ROBO1: variants seen among roughly 807,000 people sequenced by gnomAD.
The protein encoded by ROBO1 is roundabout guidance receptor 1.
A neutral mutation model predicts 195.9 loss-of-function variants in ROBO1; 149 were observed. The observed-to-expected ratio is 0.76, with a 90% confidence interval of 0.67 to 0.87. The LOEUF (loss-of-function observed/expected upper bound fraction) is 0.87, where lower values mean the gene tolerates loss of function less well. ROBO1 is among the 40% of genes least tolerant of loss of function. The pLI is 0.00. For missense variants in ROBO1, 1,933 were observed against 2,068.3 expected, an observed-to-expected ratio of 0.93 and a Z score of 1.27; for synonymous variants, 816 against 733.2, an observed-to-expected ratio of 1.11 and a Z score of -1.82.
At chr3:79,307,296 CT>C (rs898691685) in intron 2 of ROBO1, among the ~76,000 whole-genome samples, 3 of 150,132 alleles carry the variant, frequency 2.0e-5, no homozygotes, top group East Asian at 1.9e-4. Context: ...ACAGGCTTTT[CT>C]TTTTTTTTAA....
chr3:79,584,390 C>G lies in ROBO1; in HGVS notation c.88+5434G>C, dbSNP rs1057237652. Among the ~76,000 whole-genome samples the G allele has an allele frequency of 2.0e-5, 3 of 150,746 alleles. No individual in the cohort carries two copies. The Admixed American group carries it at 2.0e-4, about 10-fold the overall frequency. On this transcript the variant is annotated intron_variant, in intron 2 of 30. Coordinates refer to ENST00000464233, the MANE Select transcript of ROBO1 (RefSeq NM_002941.4). ...CTAAGTAACTGACTTCCATTTCTCA[C>G]CTTTGGGGAGAGTTTTATTTTCTTA...
chr3:78,659,022 A>G (rs964362632), intron 17 of ROBO1, among the ~76,000 whole-genome samples: 17 of 152,306 alleles, frequency 1.1e-4, no homozygotes, highest in African/African-American at 4.1e-4. Flanking sequence ...ACATTCCACA[A>G]TTTAGCTTGA....
chr3:78,770,550 C>G (rs976721469), intron 4 of ROBO1, among the ~76,000 whole-genome samples: 5 of 152,146 alleles, frequency 3.3e-5, no homozygotes. Context: ...ACACAAATTG[C>G]AAATATATTC....
At chr3:78,907,305 A>C (rs1039392769) in intron 4 of ROBO1, among the ~76,000 whole-genome samples, 4 of 152,130 alleles carry the variant, frequency 2.6e-5, no homozygotes, top group Non-Finnish European at 5.9e-5. Context: ...ACAACAACAA[A>C]AAAAACAACC....
At chr3:79,285,391 G>A (rs1576922688) in intron 2 of ROBO1, among the ~76,000 whole-genome samples, 1 of 152,154 alleles carries the variant, frequency 6.6e-6, no homozygotes, top group African/African-American at 2.4e-5. Flanking sequence ...ATAGGTCAAA[G>A]GTTATAAAGT....
chr3:79,176,816 T>C (rs2081268926), intron 2 of ROBO1, among the ~76,000 whole-genome samples: 1 of 152,186 alleles, frequency 6.6e-6, no homozygotes, highest in South Asian at 2.1e-4. Context: ...TGCTACAATA[T>C]ATGTTTTAAG....
intron 3 of ROBO1, among the ~76,000 whole-genome samples, chr3:79,039,409 CAGG>C (rs1407191054): frequency 1.3e-5 from 2 of 152,200 alleles, no homozygotes; most frequent in East Asian, 1.9e-4. Context: ...ATCTGTGGGT[CAGG>C]AGATTAGGGA....
chr3:78,660,092 T>G (rs1707299516), intron 16 of ROBO1: 1 of 210,954 alleles, frequency 4.7e-6, no homozygotes, highest in Non-Finnish European at 9.5e-6. Context: ...CACTAATTTT[T>G]GTATTTTTAA....
rs111673850 is a variant in ROBO1, at chr3:78,991,042, T to G, written c.173-52115A>C. Among the ~76,000 whole-genome samples, 689 of 152,324 alleles carry G rather than the reference T, an allele frequency of 4.5e-3. 9 individuals are homozygous for G. Among genetic ancestry groups the G allele is most frequent in the African/African-American group, 0.016 (645 of 41,572 alleles). On this transcript the variant is annotated intron_variant, in intron 3 of 30. Transcript: ENST00000464233. Reference sequence around the variant, plus strand: ...AGCACTGTATTCCAACCAACCATGTTAATTATTACAGGTAATAACCTACAT... The same window carrying G: ...AGCACTGTATTCCAACCAACCATGTGAATTATTACAGGTAATAACCTACAT...
chr3:78,730,733 A>T (rs2082267499), intron 5 of ROBO1, among the ~76,000 whole-genome samples: 1 of 152,182 alleles, frequency 6.6e-6, no homozygotes, highest in Non-Finnish European at 1.5e-5. Context: ...TAGCTCACTC[A>T]CTTGGCAAAT....
intron 2 of ROBO1, among the ~76,000 whole-genome samples, chr3:79,173,754 CG>C (rs1179943232): frequency 6.6e-6 from 1 of 152,260 alleles, no homozygotes; most frequent in East Asian, 1.9e-4. Context: ...GGCCCCAGTG[CG>C]GGATCCACTG....
intron 1 of ROBO1, among the ~76,000 whole-genome samples, chr3:79,708,529 T>C (rs1702149025): frequency 6.6e-6 from 1 of 152,070 alleles, no homozygotes; most frequent in Non-Finnish European, 1.5e-5. Flanking sequence ...AAATTTTGCC[T>C]CCTCTACATG....
At chr3:79,051,801 C>T (rs372448866) in intron 3 of ROBO1, among the ~76,000 whole-genome samples, 1 of 152,100 alleles carries the variant, frequency 6.6e-6, no homozygotes, top group Non-Finnish European at 1.5e-5. Flanking sequence ...GTCTTTACTG[C>T]AATCTCTGAA....
At chr3:79,606,396 T>A (rs1560032185) in intron 1 of ROBO1, among the ~76,000 whole-genome samples, 3 of 152,108 alleles carry the variant, frequency 2.0e-5, no homozygotes, top group Non-Finnish European at 4.4e-5. Flanking sequence ...TTTGTGTCTG[T>A]CTCCTCATCA....
At chr3:79,391,457 G>T (rs1187900421) in intron 2 of ROBO1, among the ~76,000 whole-genome samples, 1 of 152,090 alleles carries the variant, frequency 6.6e-6, no homozygotes. Context: ...GCCAGGCTCA[G>T]CAGATGGTGA....
intron 1 of ROBO1, among the ~76,000 whole-genome samples, chr3:79,630,717 T>G (rs1945313694): frequency 6.6e-6 from 1 of 151,950 alleles, no homozygotes; most frequent in Non-Finnish European, 1.5e-5. Context: ...TGACATATTC[T>G]TATAACCAGA....
chr3:79,466,125 G>A (rs1937945163), intron 2 of ROBO1, among the ~76,000 whole-genome samples: 1 of 151,748 alleles, frequency 6.6e-6, no homozygotes. Context: ...GTGACCAAAA[G>A]ATTGTCTTTA....
intron 1 of ROBO1, among the ~76,000 whole-genome samples, chr3:79,657,090 C>T (rs921605824): frequency 6.6e-6 from 1 of 152,002 alleles, no homozygotes; most frequent in Non-Finnish European, 1.5e-5. Context: ...TAAAAATATA[C>T]ATTTTTAGTT....
intron 2 of ROBO1, among the ~76,000 whole-genome samples, chr3:79,552,034 C>G: frequency 1.1e-5 from 1 of 90,276 alleles, no homozygotes; most frequent in African/African-American, 4.2e-5. Context: ...AGACATTTTG[C>G]TACAGGAAAA....
Sources: allele counts gnomAD v4.1 joint callset (sites outside exome capture counted in the v4.1 genomes callset), GRCh38; gene constraint gnomAD v4.1.1; transcripts MANE v1.5; gene names NCBI Gene and HGNC (gene_info 2026-07-23, HGNC 2026-07-21).